PLXDC2: variants seen among roughly 807,000 people sequenced by gnomAD.
PLXDC2 encodes the protein plexin domain containing 2.
A neutral mutation model predicts 68.9 loss-of-function variants in PLXDC2; 40 were observed. The observed-to-expected ratio is 0.58, with a 90% confidence interval of 0.45 to 0.76. The LOEUF (loss-of-function observed/expected upper bound fraction) is 0.76. PLXDC2 is among the 30% of genes least tolerant of loss of function. The probability of loss-of-function intolerance (pLI) is 0.00; values close to 1 mark genes in which losing one functional copy is unlikely to be tolerated. For synonymous variants in PLXDC2, 243 were observed against 234.2 expected, an observed-to-expected ratio of 1.04 and a Z score of -0.34; for missense variants, 644 against 661.9, an observed-to-expected ratio of 0.97 and a Z score of 0.30.
intron 1 of PLXDC2, among the ~76,000 whole-genome samples, chr10:19,965,805 C>A (rs1834238246): frequency 6.6e-6 from 1 of 151,984 alleles, no homozygotes; most frequent in Admixed American, 6.6e-5. Flanking sequence ...TCTGGCATGG[C>A]CTCAAACAGC....
chr10:20,192,195 C>CTAAGGT (rs1197362766), intron 9 of PLXDC2, among the ~76,000 whole-genome samples: 2 of 151,914 alleles, frequency 1.3e-5, no homozygotes, highest in Non-Finnish European at 2.9e-5. Context: ...AAAGCAAATG[C>CTAAGGT]TAAGGTTGAA....
chr10:19,965,787 C>T (rs570993325), intron 1 of PLXDC2, among the ~76,000 whole-genome samples: 4 of 151,514 alleles, frequency 2.6e-5, no homozygotes, highest in South Asian at 4.2e-4. Context: ...AGATGATTAA[C>T]TTCAGACTCT....
At chr10:19,868,078 T>C (rs1837456064) in intron 1 of PLXDC2, among the ~76,000 whole-genome samples, 1 of 152,210 alleles carries the variant, frequency 6.6e-6, no homozygotes, top group Non-Finnish European at 1.5e-5. Context: ...GTAATGTTTT[T>C]ATTTATTTTA....
intron 2 of PLXDC2, among the ~76,000 whole-genome samples, chr10:20,034,293 T>C (rs1835544955): frequency 6.6e-6 from 1 of 152,190 alleles, no homozygotes; most frequent in African/African-American, 2.4e-5. Context: ...GGATACTAGG[T>C]TTACTATTAA....
chr10:19,850,800 A>C (rs1837102016), intron 1 of PLXDC2, among the ~76,000 whole-genome samples: 1 of 152,202 alleles, frequency 6.6e-6, no homozygotes, highest in Non-Finnish European at 1.5e-5. Flanking sequence ...CTCAAATGGC[A>C]ACCCCAGACC....
At position 20,097,996 on chromosome 10, in the gene PLXDC2, T is replaced by G. The variant is rs1213773799; in HGVS notation, c.541+29757T>G. On this transcript the variant is annotated intron_variant, in intron 4 of 13. Coordinates refer to ENST00000377252, the MANE Select transcript of PLXDC2 (RefSeq NM_032812.9). ...ATTATTTATATTACTTATAAAGTTGTGTGTTGTGTGTGGTGGAGAGAGACT... is the reference window on the plus strand; with the variant it reads ...ATTATTTATATTACTTATAAAGTTGGGTGTTGTGTGTGGTGGAGAGAGACT... 2.7e-5 allele frequency among the ~76,000 whole-genome samples: 4 copies of G among 150,818 alleles called. No homozygotes were observed. The East Asian group carries it at 7.7e-4, about 29-fold the overall frequency.
chr10:19,937,744 G>A (rs977677186), intron 1 of PLXDC2, among the ~76,000 whole-genome samples: 17 of 151,816 alleles, frequency 1.1e-4, no homozygotes, highest in African/African-American at 3.6e-4. Context: ...GTGGCAGGGT[G>A]GGCCATCTCT....
rs958305717 is a variant in PLXDC2 at position 20,282,856 on chromosome 10, G to T, written c.*3037G>T. On this transcript the variant is annotated 3_prime_UTR_variant, in exon 14 of 14. Coordinates refer to ENST00000377252, the MANE Select transcript of PLXDC2 (RefSeq NM_032812.9). ...TTACTATTTTAGTTTGAGGTATCAAGGGCATTTGCCAATCTCTTATATGTA... is the reference window on the plus strand; with the variant it reads ...TTACTATTTTAGTTTGAGGTATCAATGGCATTTGCCAATCTCTTATATGTA... 6.6e-6 allele frequency: 1 copy of T among 152,178 alleles called. No homozygotes were observed. Among genetic ancestry groups the T allele is most frequent in the Non-Finnish European group, 1.5e-5 (1 of 68,024 alleles). The allele number at this position is 152,178 out of a possible 1,614,324, so 9.4% of individuals were successfully genotyped here.
chr10:20,191,536 C>A (rs564394456), intron 9 of PLXDC2, among the ~76,000 whole-genome samples: 21 of 151,400 alleles, frequency 1.4e-4, no homozygotes, highest in Non-Finnish European at 2.1e-4. Context: ...CCCTGCACTC[C>A]ACTAACACAG....
chr10:20,177,434 T>G, intron 9 of PLXDC2, 25 bp downstream of exon 9: 2 of 1,125,380 alleles, frequency 1.8e-6, no homozygotes, highest in Non-Finnish European at 2.4e-6. Context: ...ATAAGAATAA[T>G]AATAAAATTT....
chr10:19,823,598 G>A (rs538573786), intron 1 of PLXDC2, among the ~76,000 whole-genome samples: 5 of 151,388 alleles, frequency 3.3e-5, no homozygotes, highest in East Asian at 2.0e-4. Flanking sequence ...CAGGAGAATC[G>A]CTTGACCCGG....
In PLXDC2 at chr10:19,911,507, A is replaced by T. The variant is rs114201418; in HGVS notation, c.113-90268A>T. Reference sequence around the variant, plus strand: ...TTATATTTGCTTGTGATGGTAAAAAAGTAGGTATCAGCTTCAGTAGAGCCT... The same window carrying T: ...TTATATTTGCTTGTGATGGTAAAAATGTAGGTATCAGCTTCAGTAGAGCCT... On this transcript the variant is annotated intron_variant, in intron 1 of 13. Coordinates refer to ENST00000377252, the MANE Select transcript of PLXDC2 (RefSeq NM_032812.9). 5.9e-3 allele frequency among the ~76,000 whole-genome samples: 891 copies of T among 152,086 alleles called. 7 individuals carry two copies. Among genetic ancestry groups the T allele is most frequent in the African/African-American group, 0.021 (861 of 41,374 alleles).
chr10:20,102,627 G>T (rs1833438194), intron 4 of PLXDC2, among the ~76,000 whole-genome samples: 1 of 152,162 alleles, frequency 6.6e-6, no homozygotes, highest in Admixed American at 6.5e-5. Context: ...TAAGGATTTT[G>T]GCTTGAGCAA....
chr10:20,188,436 A>C (rs1260613813), intron 9 of PLXDC2, among the ~76,000 whole-genome samples: 1 of 151,804 alleles, frequency 6.6e-6, no homozygotes, highest in Non-Finnish European at 1.5e-5. Context: ...AATTTTGTCA[A>C]GATGCAGATT....
chr10:19,823,746 G>T (rs982162106), intron 1 of PLXDC2, among the ~76,000 whole-genome samples: 1 of 152,204 alleles, frequency 6.6e-6, no homozygotes, highest in African/African-American at 2.4e-5. Context: ...CAACACTTTG[G>T]GAGGCCGAGA....
chr10:20,086,416 T>A (rs1349445723), intron 4 of PLXDC2, among the ~76,000 whole-genome samples: 1 of 151,928 alleles, frequency 6.6e-6, no homozygotes, highest in Non-Finnish European at 1.5e-5. Context: ...GGTCTCAAAC[T>A]CCTTGCTTCA....
intron 4 of PLXDC2, among the ~76,000 whole-genome samples, chr10:20,142,934 T>C (rs1354250613): frequency 2.6e-5 from 4 of 152,120 alleles, no homozygotes; most frequent in Non-Finnish European, 5.9e-5. Context: ...TGTGGTAAGC[T>C]ATTGTTAAAA....
At chr10:20,183,901 T>A (rs1211454354) in intron 9 of PLXDC2, among the ~76,000 whole-genome samples, 1 of 152,004 alleles carries the variant, frequency 6.6e-6, no homozygotes, top group Non-Finnish European at 1.5e-5. Context: ...TTGGTGTTAG[T>A]CTTTTGGTGC....
intron 4 of PLXDC2, among the ~76,000 whole-genome samples, chr10:20,125,815 A>C (rs1833765604): frequency 6.6e-6 from 1 of 152,064 alleles, no homozygotes; most frequent in Admixed American, 6.5e-5. Flanking sequence ...TTTATAGAGG[A>C]GATTGCAACT....
Sources: allele counts gnomAD v4.1 joint callset (sites outside exome capture counted in the v4.1 genomes callset), GRCh38; gene constraint gnomAD v4.1.1; transcripts MANE v1.5; gene names NCBI Gene and HGNC (gene_info 2026-07-23, HGNC 2026-07-21).